ERBB4: variants seen among roughly 807,000 people sequenced by gnomAD.
ERBB4 encodes the protein receptor tyrosine-protein kinase erbB-4.
Under a neutral mutation model 158.0 loss-of-function variants are expected in ERBB4, and 42 were observed. The ratio of observed to expected loss-of-function variants is 0.27; its 90% CI spans 0.21 to 0.34. ERBB4 has a LOEUF of 0.34. Among genes scored for constraint, ERBB4 ranks in the 10% least tolerant of loss-of-function variants. The probability of loss-of-function intolerance (pLI) is 1.00; values close to 1 mark genes in which losing one functional copy is unlikely to be tolerated. For missense variants in ERBB4, 1,333 were observed against 1,624.1 expected (o/e 0.82, Z 3.08); for synonymous variants, 583 against 558.7 (o/e 1.04, Z -0.61).
chr2:211,729,390 A>G (rs2074364244), intron 5 of ERBB4, among the ~76,000 whole-genome samples: 1 of 151,792 alleles, frequency 6.6e-6, no homozygotes. Context: ...ACATTTTTAT[A>G]TCCCTTAATT....
At chr2:211,562,122 C>A (rs2067412558) in intron 19 of ERBB4, 34 bp from the exon 20 acceptor site, 1 of 1,586,548 alleles carries the variant, frequency 6.3e-7, no homozygotes, top group African/African-American at 1.3e-5. Flanking sequence ...ATGATTTCAA[C>A]TCAAATTTTC....
intron 3 of ERBB4, among the ~76,000 whole-genome samples, chr2:211,913,153 T>G (rs548439731): frequency 1.3e-3 from 193 of 152,292 alleles, no homozygotes; most frequent in Non-Finnish European, 2.1e-3. Flanking sequence ...CTCTTGTCAG[T>G]GATTTTTCAG....
At chr2:211,804,995 C>A (rs1490850705) in intron 3 of ERBB4, among the ~76,000 whole-genome samples, 4 of 151,054 alleles carry the variant, frequency 2.6e-5, no homozygotes, top group African/African-American at 9.7e-5. Flanking sequence ...TCTTGGCTCA[C>A]TGCAACCTCC....
chr2:211,867,291 C>G (rs1366952369), intron 3 of ERBB4, among the ~76,000 whole-genome samples: 1 of 152,038 alleles, frequency 6.6e-6, no homozygotes, highest in Non-Finnish European at 1.5e-5. Flanking sequence ...AGAAAATTGG[C>G]AAATGGACCT....
chr2:211,473,098 T>G (rs2064870390), intron 20 of ERBB4, among the ~76,000 whole-genome samples: 1 of 151,912 alleles, frequency 6.6e-6, no homozygotes, highest in South Asian at 2.1e-4. Flanking sequence ...CATGGAGAAA[T>G]GATCCTGCAT....
At chr2:212,273,272 C>A (rs2085408349) in intron 1 of ERBB4, among the ~76,000 whole-genome samples, 1 of 151,740 alleles carries the variant, frequency 6.6e-6, no homozygotes. Flanking sequence ...TTTTTATTAT[C>A]CAATTATATA....
intron 20 of ERBB4, among the ~76,000 whole-genome samples, chr2:211,475,562 T>C (rs1489796932): frequency 1.3e-5 from 2 of 152,050 alleles, no homozygotes; most frequent in Non-Finnish European, 2.9e-5. Flanking sequence ...TGGAAGCAAA[T>C]TGAAAACTAC....
At chr2:212,460,578 T>A (rs1389385008) in intron 1 of ERBB4, among the ~76,000 whole-genome samples, 1 of 152,126 alleles carries the variant, frequency 6.6e-6, no homozygotes, top group Non-Finnish European at 1.5e-5. Flanking sequence ...CCCTAGAGAT[T>A]TGTGAAACTT....
chr2:212,301,593 G>C (rs532620425), intron 1 of ERBB4, among the ~76,000 whole-genome samples: 137 of 151,360 alleles, frequency 9.1e-4, no homozygotes, highest in South Asian at 6.0e-3. Flanking sequence ...GACAAATTTG[G>C]AACTCTCTCC....
At chr2:211,892,684 C>T (rs1295495429) in intron 3 of ERBB4, among the ~76,000 whole-genome samples, 1 of 145,468 alleles carries the variant, frequency 6.9e-6, no homozygotes, top group Non-Finnish European at 1.5e-5. Flanking sequence ...CCAAAATCTC[C>T]TTAAGCTGAT....
chr2:211,809,849 A>C (rs2076708414), intron 3 of ERBB4, among the ~76,000 whole-genome samples: 1 of 152,132 alleles, frequency 6.6e-6, no homozygotes. Context: ...TTTCCTCTAC[A>C]CACTGCTTTA....
chr2:212,255,238 G>T (rs1292042539), intron 1 of ERBB4, among the ~76,000 whole-genome samples: 1 of 152,124 alleles, frequency 6.6e-6, no homozygotes, highest in Non-Finnish European at 1.5e-5. Context: ...ATGCACTATA[G>T]CAATTTTTTA....
chr2:211,567,785 GC>G (rs2067594283), intron 19 of ERBB4, among the ~76,000 whole-genome samples: 1 of 144,822 alleles, frequency 6.9e-6, no homozygotes. Context: ...ATTGTAGCTT[GC>G]ATTTTTTTTT....
chr2:211,645,928 C>A (rs2070768593), intron 16 of ERBB4, among the ~76,000 whole-genome samples: 1 of 151,510 alleles, frequency 6.6e-6, no homozygotes, highest in Admixed American at 6.6e-5. Flanking sequence ...GCCAGATACA[C>A]ACACATATAT....
chr2:211,824,225 C>G (rs75734424), intron 3 of ERBB4, among the ~76,000 whole-genome samples: 6,689 of 152,096 alleles, frequency 0.044, 247 homozygotes, highest in Non-Finnish European at 0.065. Flanking sequence ...CATTCCTTCT[C>G]AGCTAATTGC....
At chr2:211,508,427 T>C (rs184076594) in intron 20 of ERBB4, among the ~76,000 whole-genome samples, 102 of 152,290 alleles carry the variant, frequency 6.7e-4, no homozygotes, top group African/African-American at 2.3e-3. Flanking sequence ...TGCAATGAGA[T>C]ACCATCTCAC....
intron 1 of ERBB4, among the ~76,000 whole-genome samples, chr2:212,493,071 AT>A (rs755193323): frequency 3.3e-5 from 5 of 151,402 alleles, no homozygotes; most frequent in Non-Finnish European, 7.4e-5. Context: ...CATTCTGATT[AT>A]TTGGTTCACA....
chr2:212,527,886 A>G (rs1692537178), intron 1 of ERBB4, among the ~76,000 whole-genome samples: 1 of 116,216 alleles, frequency 8.6e-6, no homozygotes, highest in Non-Finnish European at 1.6e-5. Flanking sequence ...CCAGAGTGTG[A>G]TGTTCCCCTT....
chr2:212,479,075 C>G (rs1574996288), intron 1 of ERBB4, among the ~76,000 whole-genome samples: 1 of 152,164 alleles, frequency 6.6e-6, no homozygotes, highest in African/African-American at 2.4e-5. Context: ...GTATGGCTGA[C>G]TCTATTAAAA....
Sources: gnomAD v4.1 joint callset for allele counts (sites outside exome capture counted in the v4.1 genomes callset) on GRCh38, gnomAD v4.1.1 for gene constraint, MANE v1.5 for transcripts, NCBI Gene and HGNC (gene_info 2026-07-23, HGNC 2026-07-21) for gene names.